OPCML: variants seen among roughly 807,000 people sequenced by gnomAD.
The protein encoded by OPCML is opioid binding protein/cell adhesion molecule like.
Under a neutral mutation model 37.8 loss-of-function variants are expected in OPCML, and 13 were observed. The observed-to-expected ratio is 0.34, with a 90% CI of 0.22 to 0.55. The LOEUF (loss-of-function observed/expected upper bound fraction) is 0.55. Among genes scored for constraint, OPCML ranks in the 20% least tolerant of loss-of-function variants. OPCML has a pLI of 0.91. For synonymous variants in OPCML, 176 were observed against 168.8 expected (o/e 1.04, Z -0.33); for missense variants, 341 against 435.6 (o/e 0.78, Z 1.93).
intron 1 of OPCML, chr11:133,420,409 C>CA (rs1945862594): frequency 1.0e-6 from 1 of 985,270 alleles, no homozygotes; most frequent in Non-Finnish European, 1.2e-6. Flanking sequence ...ACTCTTTGTT[C>CA]AATGCAGTAT....
At chr11:133,403,180 C>A (rs903654321) in intron 1 of OPCML, among the ~76,000 whole-genome samples, 3 of 152,160 alleles carry the variant, frequency 2.0e-5, no homozygotes, top group African/African-American at 7.2e-5. Flanking sequence ...GTAAATCTCA[C>A]TAAGCCTGTC....
chr11:133,083,067 GC>G (rs11307258), intron 1 of OPCML, among the ~76,000 whole-genome samples: 87,616 of 151,574 alleles, frequency 0.58, 25,702 homozygotes, highest in Non-Finnish European at 0.63. Flanking sequence ...CAGGGCACCC[GC>G]CCGGAAACAC....
At chr11:133,069,311 ATATTTATT>A (rs940657632) in intron 1 of OPCML, among the ~76,000 whole-genome samples, 3 of 152,208 alleles carry the variant, frequency 2.0e-5, no homozygotes, top group African/African-American at 7.2e-5. Context: ...GCACTTATTT[ATATTTATT>A]TATTTAAGTG....
Position 133,308,124 on chromosome 11 carries a change from G to A in OPCML, c.61+224140C>T, listed in dbSNP as rs940532521. ...GAGAATATTAAGCAGTAGAGCAATA[G>A]AATCTGATCTTTATTTTAAGTGAAT... On this transcript the variant is annotated intron_variant, in intron 1 of 7. Transcript: ENST00000524381. Among the ~76,000 whole-genome samples, 3 of 152,200 alleles carry A rather than the reference G, an allele frequency of 2.0e-5. 1 individual carries two copies. Among genetic ancestry groups the A allele is most frequent in the African/African-American group, 2.4e-5 (1 of 41,548 alleles).
At chr11:132,997,953 A>G (rs771571386) in intron 1 of OPCML, among the ~76,000 whole-genome samples, 3 of 152,120 alleles carry the variant, frequency 2.0e-5, no homozygotes, top group Non-Finnish European at 2.9e-5. Flanking sequence ...GGAGGTTCAC[A>G]TCCTGCTGAC....
At position 133,208,562 on chromosome 11, in the gene OPCML, A is replaced by C. The variant is rs1024666481; in HGVS notation, c.62-265552T>G. Among the ~76,000 whole-genome samples, 2 of 152,212 alleles carry C rather than the reference A, an allele frequency of 1.3e-5. No individual in the cohort carries two copies. The highest frequency in any genetic ancestry group is 2.4e-5 in the African/African-American group (1 of 41,458). ...TAATTCCAATGCTGGCTATCCACAT[A>C]TGTGTATTAGTGAAGTTGAAGCAGG... is the stretch of plus-strand genomic sequence containing the variant. On this transcript the variant is annotated intron_variant, in intron 1 of 7. Transcript: ENST00000524381. This position sits in a 1 kb window ranked among gnomAD's most constrained non-coding sequence, Gnocchi z 8.9.
At chr11:133,390,446 GA>G (rs1296760416) in intron 1 of OPCML, among the ~76,000 whole-genome samples, 2 of 152,106 alleles carry the variant, frequency 1.3e-5, no homozygotes, top group African/African-American at 2.4e-5. Flanking sequence ...CCGGGTGACA[GA>G]ACAAGACTCC....
At chr11:133,325,551 C>T (rs1225989097) in intron 1 of OPCML, among the ~76,000 whole-genome samples, 1 of 152,026 alleles carries the variant, frequency 6.6e-6, no homozygotes, top group African/African-American at 2.4e-5. Flanking sequence ...CATATATGTG[C>T]TTGTATATGT....
intron 1 of OPCML, among the ~76,000 whole-genome samples, chr11:133,097,766 T>C (rs991046874): frequency 6.6e-6 from 1 of 152,186 alleles, no homozygotes; most frequent in East Asian, 1.9e-4. Flanking sequence ...ATGACCTATA[T>C]GAAACAGACC....
intron 1 of OPCML, among the ~76,000 whole-genome samples, chr11:133,015,900 C>T (rs988341968): frequency 6.6e-6 from 1 of 152,170 alleles, no homozygotes; most frequent in Non-Finnish European, 1.5e-5. Flanking sequence ...CCAGCCCACC[C>T]ATCACTCTCT....
intron 2 of OPCML, among the ~76,000 whole-genome samples, chr11:132,783,601 T>C (rs1947105774): frequency 6.6e-6 from 1 of 152,162 alleles, no homozygotes; most frequent in Non-Finnish European, 1.5e-5. Context: ...ACAGTTATCC[T>C]TAGCAAAAAT....
intron 1 of OPCML, among the ~76,000 whole-genome samples, chr11:133,165,237 C>A (rs1950193919): frequency 6.6e-6 from 1 of 152,184 alleles, no homozygotes; most frequent in African/African-American, 2.4e-5. Flanking sequence ...TCCAGTCGCA[C>A]TGGGACGAGG....
At chr11:133,171,423 A>T (rs930782066) in intron 1 of OPCML, among the ~76,000 whole-genome samples, 1 of 152,234 alleles carries the variant, frequency 6.6e-6, no homozygotes, top group Non-Finnish European at 1.5e-5. Flanking sequence ...GTGCCACATC[A>T]GTCCCCTCTC....
At chr11:133,178,946 G>A (rs1410563205) in intron 1 of OPCML, among the ~76,000 whole-genome samples, 1 of 152,140 alleles carries the variant, frequency 6.6e-6, no homozygotes, top group African/African-American at 2.4e-5. Flanking sequence ...TGCCTCTAAA[G>A]GGGAAAGACT....
chr11:132,840,778 T>G (rs376475079), intron 2 of OPCML, among the ~76,000 whole-genome samples: 117 of 151,910 alleles, frequency 7.7e-4, no homozygotes, highest in Non-Finnish European at 1.5e-3. Flanking sequence ...AGGAGAACAG[T>G]AGGAAATAGA....
chr11:132,791,177 A>G (rs1937882843), intron 2 of OPCML, among the ~76,000 whole-genome samples: 1 of 152,206 alleles, frequency 6.6e-6, no homozygotes, highest in African/African-American at 2.4e-5. Context: ...GAGCTCAGCT[A>G]GACGAACTCG....
intron 1 of OPCML, among the ~76,000 whole-genome samples, chr11:133,060,911 C>T (rs1948330606): frequency 6.6e-6 from 1 of 152,256 alleles, no homozygotes. Context: ...GTTTGCCCCC[C>T]TCAACAAGAT....
At chr11:132,919,031 C>T (rs1944699669) in intron 2 of OPCML, among the ~76,000 whole-genome samples, 1 of 152,140 alleles carries the variant, frequency 6.6e-6, no homozygotes, top group Non-Finnish European at 1.5e-5. Context: ...TGGCAAGATT[C>T]AGTACATTCA....
At chr11:133,116,401 G>C (rs1949333800) in intron 1 of OPCML, among the ~76,000 whole-genome samples, 1 of 152,132 alleles carries the variant, frequency 6.6e-6, no homozygotes, top group Non-Finnish European at 1.5e-5. Flanking sequence ...CTGTCATCCT[G>C]GTTCAGGAGC....
Sources: gnomAD v4.1 joint callset for allele counts (sites outside exome capture counted in the v4.1 genomes callset) on GRCh38, gnomAD v4.1.1 for gene constraint, Gnocchi (gnomAD v3.1) non-coding constraint, MANE v1.5 for transcripts, NCBI Gene and HGNC (gene_info 2026-07-23, HGNC 2026-07-21) for gene names.